Variants in TADA2A observed in about 807,000 individuals in gnomAD.
The protein encoded by TADA2A is transcriptional adapter 2-alpha.
In TADA2A, 38 loss-of-function variants were observed where a neutral mutation model predicts 67.4. The ratio of observed to expected loss-of-function variants is 0.56; its 90% CI spans 0.44 to 0.74. The LOEUF (loss-of-function observed/expected upper bound fraction) is 0.74. TADA2A is among the 30% of genes least tolerant of loss of function. The probability of loss-of-function intolerance (pLI) is 0.00; values close to 1 mark genes in which losing one functional copy is unlikely to be tolerated. For missense variants in TADA2A, 454 were observed against 547.0 expected, an observed-to-expected ratio of 0.83 and a Z score of 1.70; for synonymous variants, 192 against 181.6, an observed-to-expected ratio of 1.06 and a Z score of -0.46.
chr17:37,406,984 GC>G (rs2051562358), intron 1 of TADA2A, 35 bp downstream of exon 1: 1 of 145,628 alleles, frequency 6.9e-6, no homozygotes, highest in Non-Finnish European at 1.5e-5. Context: ...GGGCGGGCGG[GC>G]GGGTGGCGGA....
In TADA2A at chr17:37,432,925, A is replaced by ATTTTT. The variant is rs1046006991; in HGVS notation, c.193-4790_193-4786dup. On this transcript the variant is annotated intron_variant, in intron 4 of 15. Coordinates refer to ENST00000615182, the MANE Select transcript of TADA2A (RefSeq NM_001166105.3). ...TGCAGTGTGGTATTGTGGTATTACA[A>ATTTTT]TTTTTTTTTTTTTTTTTTTTTTTTT... Among the ~76,000 whole-genome samples, 17 of 52,204 alleles carry ATTTTT rather than the reference A, an allele frequency of 3.3e-4. 1 individual carries two copies. Among genetic ancestry groups the ATTTTT allele is most frequent in the South Asian group, 1.0e-3 (1 of 982 alleles). The allele number at this position is 52,204 out of a possible 152,430, so 34.2% of individuals were successfully genotyped here.
intron 14 of TADA2A, among the ~76,000 whole-genome samples, chr17:37,474,333 A>G (rs950550131): frequency 3.3e-5 from 5 of 152,206 alleles, no homozygotes; most frequent in African/African-American, 1.2e-4. Flanking sequence ...TTAGCAGATT[A>G]TGGGTAATTC....
chr17:37,435,259 A>G (rs1470089838), intron 4 of TADA2A, among the ~76,000 whole-genome samples: 1 of 152,304 alleles, frequency 6.6e-6, no homozygotes, highest in East Asian at 1.9e-4. Flanking sequence ...ATACGAGACT[A>G]CAAGAGTTTT....
intron 3 of TADA2A, among the ~76,000 whole-genome samples, chr17:37,425,848 G>C (rs1024102476): frequency 1.3e-5 from 2 of 149,678 alleles, no homozygotes; most frequent in South Asian, 4.3e-4. Context: ...GTGGAGAAAG[G>C]GTCTCGCCTT....
chr17:37,468,803 A>G lies in TADA2A; in HGVS notation c.895+1278A>G, dbSNP rs77153222. ...TGGCAGTTTCTGTTGTTTTGCTGTC[A>G]TTGTTGAAATGATCTTTAGCATTCC... On this transcript the variant is annotated intron_variant, in intron 12 of 15. Transcript: ENST00000615182. 5.5e-3 allele frequency among the ~76,000 whole-genome samples: 839 copies of G among 152,266 alleles called. 5 individuals carry two copies. The highest frequency in any genetic ancestry group is 0.017 in the African/African-American group (720 of 41,550).
At chr17:37,411,520 T>C in intron 2 of TADA2A, 130 bp downstream of exon 2, 1 of 862,972 alleles carries the variant, frequency 1.2e-6, no homozygotes, top group Non-Finnish European at 1.9e-6. Flanking sequence ...CCTCCCGGCT[T>C]TAAACGGTTC....
chr17:37,461,566 A>G (rs1161358364), intron 9 of TADA2A, among the ~76,000 whole-genome samples: 3 of 152,206 alleles, frequency 2.0e-5, no homozygotes, highest in African/African-American at 4.8e-5. Context: ...TGATGTTGCT[A>G]TCAAATCTTT....
intron 9 of TADA2A, among the ~76,000 whole-genome samples, chr17:37,461,271 C>T (rs539679659): frequency 1.8e-4 from 28 of 152,108 alleles, no homozygotes; most frequent in Non-Finnish European, 3.8e-4. Flanking sequence ...AGGCAGAGTT[C>T]AGACGGTAAA....
At chr17:37,449,367 C>T (rs887934750) in intron 8 of TADA2A, among the ~76,000 whole-genome samples, 1 of 152,184 alleles carries the variant, frequency 6.6e-6, no homozygotes, top group African/African-American at 2.4e-5. Flanking sequence ...TGAATACTAT[C>T]AGTAATAATT....
intron 2 of TADA2A, among the ~76,000 whole-genome samples, chr17:37,420,449 A>G (rs2052197564): frequency 7.1e-6 from 1 of 141,770 alleles, no homozygotes; most frequent in African/African-American, 2.6e-5. Context: ...CTGGAGTGCA[A>G]TGGCACGATC....
Position 37,465,590 on chromosome 17 carries a change from T to G in TADA2A, c.823+49T>G, listed in dbSNP as rs1240176129. The G allele has an allele frequency of 1.9e-6, 3 of 1,609,878 alleles. No homozygotes were observed. The South Asian group carries it at 3.3e-5, about 18-fold the overall frequency. The stretch of plus-strand genomic sequence containing the variant: ...CAGTATTTGTGTGTGTATATTTATA[T>G]AAATAGGAGAGATAATGGTGTGTTT... On this transcript the variant is annotated intron_variant, in intron 11 of 15. Transcript: ENST00000615182.
At chr17:37,412,010 A>G (rs1277911589) in intron 2 of TADA2A, among the ~76,000 whole-genome samples, 1 of 151,278 alleles carries the variant, frequency 6.6e-6, no homozygotes. Flanking sequence ...GGAGATGGAG[A>G]CCATCCTGGC....
At chr17:37,455,684 T>TA (rs1214052335) in intron 8 of TADA2A, among the ~76,000 whole-genome samples, 1 of 152,168 alleles carries the variant, frequency 6.6e-6, no homozygotes, top group Non-Finnish European at 1.5e-5. Context: ...CCTGGCCGCT[T>TA]ACGAGGTTTT....
intron 8 of TADA2A, chr17:37,454,150 A>C (rs2053312554): frequency 6.6e-6 from 1 of 152,302 alleles, no homozygotes; most frequent in Non-Finnish European, 1.5e-5. Context: ...CCTAACATTG[A>C]GCCTCTGGAG....
At chr17:37,424,038 G>A (rs946819673) in intron 3 of TADA2A, among the ~76,000 whole-genome samples, 4 of 151,496 alleles carry the variant, frequency 2.6e-5, no homozygotes, top group African/African-American at 4.8e-5. Flanking sequence ...GTGAGCCACC[G>A]CACCCGGCCC....
chr17:37,472,449 GT>G (rs1376357348), intron 14 of TADA2A, among the ~76,000 whole-genome samples: 4 of 151,958 alleles, frequency 2.6e-5, no homozygotes, highest in Non-Finnish European at 5.9e-5. Flanking sequence ...AAAAGGTATT[GT>G]TTTAGGGGAG....
chr17:37,417,680 G>T (rs1337854269), intron 2 of TADA2A, among the ~76,000 whole-genome samples: 5 of 151,782 alleles, frequency 3.3e-5, no homozygotes, highest in Admixed American at 1.3e-4. Context: ...GACTACAGGT[G>T]TGCGTCACCA....
chr17:37,443,176 A>T (rs896999157), intron 7 of TADA2A, among the ~76,000 whole-genome samples: 2 of 151,154 alleles, frequency 1.3e-5, no homozygotes, highest in African/African-American at 4.9e-5. Context: ...AAACAAAAAA[A>T]CCCCAGCAAA....
chr17:37,410,891 GAA>G (rs2051844113), intron 1 of TADA2A, among the ~76,000 whole-genome samples: 1 of 152,176 alleles, frequency 6.6e-6, no homozygotes, highest in Non-Finnish European at 1.5e-5. Context: ...GCTAAGGAGA[GAA>G]ATGATGCTGA....
Sources: allele counts gnomAD v4.1 joint callset (sites outside exome capture counted in the v4.1 genomes callset), GRCh38; gene constraint gnomAD v4.1.1; transcripts MANE v1.5; gene names NCBI Gene and HGNC (gene_info 2026-07-23, HGNC 2026-07-21).